Variants in PLXDC2 observed in about 807,000 individuals in gnomAD.
The protein encoded by PLXDC2 is plexin domain-containing protein 2.
Under a neutral mutation model 68.9 loss-of-function variants are expected in PLXDC2, and 40 were observed. The ratio of observed to expected loss-of-function variants is 0.58; its 90% CI spans 0.45 to 0.76. The LOEUF (loss-of-function observed/expected upper bound fraction) is 0.76, where lower values mean the gene tolerates loss of function less well. PLXDC2 is among the 30% of genes least tolerant of loss of function. PLXDC2 has a pLI of 0.00. For synonymous variants in PLXDC2, 243 were observed against 234.2 expected (o/e 1.04, Z -0.34); for missense variants, 644 against 661.9 (o/e 0.97, Z 0.30).
At chr10:20,080,041 G>T (rs1307315532) in intron 4 of PLXDC2, among the ~76,000 whole-genome samples, 3 of 152,080 alleles carry the variant, frequency 2.0e-5, no homozygotes, top group Non-Finnish European at 4.4e-5. Context: ...AATATATAAA[G>T]AGCTCATTTA....
chr10:20,074,081 T>A (rs1396925995), intron 4 of PLXDC2, among the ~76,000 whole-genome samples: 4 of 152,084 alleles, frequency 2.6e-5, no homozygotes, highest in African/African-American at 9.7e-5. Context: ...TGGTGGTTCT[T>A]AATTAAGATA....
intron 9 of PLXDC2, among the ~76,000 whole-genome samples, chr10:20,188,837 A>G (rs1834720568): frequency 6.6e-6 from 1 of 151,778 alleles, no homozygotes; most frequent in Non-Finnish European, 1.5e-5. Flanking sequence ...AACTTTCTTT[A>G]GTTCTGAGTT....
chr10:20,054,973 T>C (rs1443538380), intron 3 of PLXDC2, among the ~76,000 whole-genome samples: 1 of 152,182 alleles, frequency 6.6e-6, no homozygotes, highest in African/African-American at 2.4e-5. Flanking sequence ...ATATACTGTT[T>C]GCCAGACATA....
intron 1 of PLXDC2, among the ~76,000 whole-genome samples, chr10:19,941,179 T>C (rs192519446): frequency 4.6e-5 from 7 of 152,274 alleles, no homozygotes; most frequent in Admixed American, 2.6e-4. Context: ...TCCCAGAGAA[T>C]AGACATTTTC....
At chr10:20,085,738 T>C (rs1319174471) in intron 4 of PLXDC2, among the ~76,000 whole-genome samples, 1 of 152,210 alleles carries the variant, frequency 6.6e-6, no homozygotes, top group African/African-American at 2.4e-5. Context: ...TGTCATTTTT[T>C]CAACACCTCC....
chr10:20,067,645 G>A (rs918749715), intron 3 of PLXDC2, among the ~76,000 whole-genome samples: 7 of 148,754 alleles, frequency 4.7e-5, no homozygotes, highest in Admixed American at 6.7e-5. Context: ...CCGAGATTGC[G>A]TCACTTCACT....
chr10:20,236,657 T>C (rs1055427716), intron 12 of PLXDC2, among the ~76,000 whole-genome samples: 5 of 152,168 alleles, frequency 3.3e-5, no homozygotes, highest in Admixed American at 6.5e-5. Context: ...AAATATTTAT[T>C]TTTGGTCTTA....
At chr10:20,173,752 G>A (rs1171569148) in intron 7 of PLXDC2, among the ~76,000 whole-genome samples, 3 of 152,102 alleles carry the variant, frequency 2.0e-5, no homozygotes, top group African/African-American at 4.8e-5. Context: ...ACCCATGAGC[G>A]AAATATATTT....
At chr10:20,270,719 A>G (rs1225870863) in intron 13 of PLXDC2, among the ~76,000 whole-genome samples, 1 of 151,932 alleles carries the variant, frequency 6.6e-6, no homozygotes, top group African/African-American at 2.4e-5. Context: ...TAATTTTTGT[A>G]TTTTTAGTAG....
At chr10:20,257,434 T>C (rs1274247599) in intron 13 of PLXDC2, among the ~76,000 whole-genome samples, 1 of 152,166 alleles carries the variant, frequency 6.6e-6, no homozygotes, top group Non-Finnish European at 1.5e-5. Flanking sequence ...TTGTTATTAT[T>C]GGTAACCCAA....
chr10:20,063,674 A>T (rs1376866414), intron 3 of PLXDC2, among the ~76,000 whole-genome samples: 1 of 152,210 alleles, frequency 6.6e-6, no homozygotes, highest in African/African-American at 2.4e-5. Flanking sequence ...AGGCAAGAAG[A>T]GGTGTAGGCA....
At chr10:19,928,419 G>T (rs1195998705) in intron 1 of PLXDC2, among the ~76,000 whole-genome samples, 1 of 152,144 alleles carries the variant, frequency 6.6e-6, no homozygotes, top group African/African-American at 2.4e-5. Flanking sequence ...AGATACTAGG[G>T]TAAATTGAGT....
intron 6 of PLXDC2, among the ~76,000 whole-genome samples, chr10:20,148,288 A>G (rs958124569): frequency 6.8e-6 from 1 of 147,920 alleles, no homozygotes; most frequent in East Asian, 2.0e-4. Flanking sequence ...CACCTGGTTG[A>G]TTTCTTTGTT....
intron 13 of PLXDC2, among the ~76,000 whole-genome samples, chr10:20,276,305 T>G (rs1836006377): frequency 6.6e-6 from 1 of 152,192 alleles, no homozygotes; most frequent in Non-Finnish European, 1.5e-5. Flanking sequence ...TGCGGTTTTG[T>G]GTACACTGCT....
intron 1 of PLXDC2, among the ~76,000 whole-genome samples, chr10:19,993,481 G>A (rs1834785703): frequency 6.6e-6 from 1 of 152,142 alleles, no homozygotes; most frequent in African/African-American, 2.4e-5. Context: ...GTGCAGTGGT[G>A]CAATCTCGGT....
chr10:20,181,073 G>T (rs922679465), intron 9 of PLXDC2, among the ~76,000 whole-genome samples: 1 of 152,014 alleles, frequency 6.6e-6, no homozygotes, highest in Non-Finnish European at 1.5e-5. Flanking sequence ...TATATAGAAA[G>T]CAGAGTTAAT....
At chr10:19,916,865 A>G (rs899552889) in intron 1 of PLXDC2, among the ~76,000 whole-genome samples, 1 of 152,192 alleles carries the variant, frequency 6.6e-6, no homozygotes, top group Non-Finnish European at 1.5e-5. Flanking sequence ...TGATTTCCCA[A>G]CATTGAGTCT....
At chr10:20,030,911 A>G (rs930567117) in intron 2 of PLXDC2, among the ~76,000 whole-genome samples, 128 of 152,070 alleles carry the variant, frequency 8.4e-4, no homozygotes, top group African/African-American at 2.9e-3. Context: ...TTTCAGATTC[A>G]TATTTGTCCA....
chr10:20,061,103 C>G (rs1196994979), intron 3 of PLXDC2, among the ~76,000 whole-genome samples: 3 of 152,184 alleles, frequency 2.0e-5, no homozygotes, highest in Non-Finnish European at 4.4e-5. Flanking sequence ...TCCTTATATA[C>G]TCGTGGTACC....
Sources: allele counts gnomAD v4.1 joint callset (sites outside exome capture counted in the v4.1 genomes callset), GRCh38; gene constraint gnomAD v4.1.1; transcripts MANE v1.5; gene names NCBI Gene and HGNC (gene_info 2026-07-23, HGNC 2026-07-21).